Variants in SIN3B observed in about 807,000 individuals in gnomAD.
The protein encoded by SIN3B is paired amphipathic helix protein Sin3b.
SIN3B carries 19 observed loss-of-function variants against 120.2 expected under a neutral mutation model. The ratio of observed to expected loss-of-function variants is 0.16; its 90% CI spans 0.11 to 0.23. The LOEUF (loss-of-function observed/expected upper bound fraction) is 0.23, where lower values mean the gene tolerates loss of function less well. Ranked by LOEUF, SIN3B falls within the 10% of genes least tolerant of loss-of-function variation. The pLI is 1.00. For synonymous variants in SIN3B, 654 were observed against 653.2 expected, an observed-to-expected ratio of 1.00 and a Z score of -0.02; for missense variants, 1,073 against 1,573.0, an observed-to-expected ratio of 0.68 and a Z score of 5.38.
At chr19:16,837,427 A>G (rs1437296988) in intron 3 of SIN3B, among the ~76,000 whole-genome samples, 1 of 151,706 alleles carries the variant, frequency 6.6e-6, no homozygotes, top group African/African-American at 2.4e-5. Flanking sequence ...GATGGTGACA[A>G]GGACCAGAGA....
chr19:16,855,606 A>T (rs1340741679), intron 8 of SIN3B: 1 of 152,196 alleles, frequency 6.6e-6, no homozygotes, highest in African/African-American at 2.4e-5. Flanking sequence ...CTGTAATCCC[A>T]GCTACTTGGG....
intron 14 of SIN3B, among the ~76,000 whole-genome samples, chr19:16,873,675 A>G (rs971431169): frequency 2.0e-5 from 3 of 152,118 alleles, no homozygotes; most frequent in Non-Finnish European, 4.4e-5. Flanking sequence ...ACTCCTCTAG[A>G]ACCTGTTAAA....
Position 16,836,642 on chromosome 19 carries a change from C to T in SIN3B, c.381+4995C>T, listed in dbSNP as rs922846948. ...TGACTGTATCCACCTTCTGGAACGT[C>T]GCCAGGGAGCAGTGCATGGTGCAGG... On this transcript the variant is annotated intron_variant, in intron 3 of 18. Transcript: ENST00000248054. Among the ~76,000 whole-genome samples, 11 of 152,208 alleles carry T rather than the reference C, an allele frequency of 7.2e-5. No homozygotes were observed. In the East Asian group the frequency reaches 1.2e-3, roughly 16 times the overall value.
intron 12 of SIN3B, among the ~76,000 whole-genome samples, chr19:16,867,854 G>C (rs2144617858): frequency 6.6e-6 from 1 of 152,242 alleles, no homozygotes; most frequent in South Asian, 2.1e-4. Context: ...CCTCACTCTA[G>C]TCCTCGGCGA....
chr19:16,874,525 A>ATCTGG (rs1169853820), intron 14 of SIN3B, among the ~76,000 whole-genome samples: 2 of 105,170 alleles, frequency 1.9e-5, no homozygotes, highest in African/African-American at 7.7e-5. Context: ...GTCTGCTCTG[A>ATCTGG]TCTGGTCTGG....
intron 14 of SIN3B, among the ~76,000 whole-genome samples, chr19:16,874,989 G>A (rs547545410): frequency 1.3e-5 from 2 of 151,292 alleles, no homozygotes; most frequent in Non-Finnish European, 2.9e-5. Context: ...ATTTGGTCTG[G>A]TTTGGTTTGG....
chr19:16,841,569 AG>A, intron 3 of SIN3B, among the ~76,000 whole-genome samples, 198 bp from the exon 4 acceptor site: 1 of 152,174 alleles, frequency 6.6e-6, no homozygotes, highest in East Asian at 1.9e-4. Context: ...GATCGGGTGG[AG>A]GTGAGCTGGG....
intron 3 of SIN3B, among the ~76,000 whole-genome samples, chr19:16,836,115 A>C (rs1182565107): frequency 6.6e-6 from 1 of 152,142 alleles, no homozygotes; most frequent in South Asian, 2.1e-4. Context: ...GGGTGTCTTC[A>C]GCTTTGGGGG....
At chr19:16,866,263 C>G in intron 11 of SIN3B, 110 bp from the exon 12 acceptor site, 1 of 1,097,176 alleles carries the variant, frequency 9.1e-7, no homozygotes, top group Non-Finnish European at 1.3e-6. Flanking sequence ...CTGGCTGGGC[C>G]TGGGTCCTGG....
At chr19:16,854,299 C>G in intron 8 of SIN3B, 38 bp downstream of exon 8, 1 of 1,330,666 alleles carries the variant, frequency 7.5e-7, no homozygotes, top group Non-Finnish European at 1.1e-6. Context: ...TAGGGGGGTT[C>G]TGTTCCTGTC....
intron 12 of SIN3B, 25 bp from the exon 13 acceptor site, chr19:16,869,435 C>G (rs201625595): frequency 6.3e-7 from 1 of 1,583,152 alleles, no homozygotes; most frequent in African/African-American, 1.3e-5. Context: ...GGCTTTCCAC[C>G]TAATGGCCGC....
chr19:16,862,709 C>CA lies in SIN3B; in HGVS notation c.1266+154dup. The CA allele has an allele frequency of 1.9e-6, 2 of 1,068,324 alleles. No individual in the cohort carries two copies. The highest frequency in any genetic ancestry group is 2.8e-6 in the Non-Finnish European group (2 of 707,914). 66.2% of individuals were successfully genotyped at this position (1,068,324 alleles called of 1,614,324 possible). A position where few individuals can be genotyped will look rare whatever the true frequency, so the allele number is the denominator to read the frequency against. ...TGGGTGGTGCTGGGATGTGGCCCGG[C>CA]AAAACCACCTGAGCAGAGACAACAG... On this transcript the variant is annotated intron_variant, in intron 9 of 18. Coordinates refer to ENST00000248054, the MANE Select transcript of SIN3B (RefSeq NM_001297595.2). This position sits in a 1 kb window ranked among gnomAD's most constrained non-coding sequence, Gnocchi z 4.7.
Position 16,863,760 on chromosome 19 carries a change from G to A in SIN3B, c.1347G>A (p.Glu449=). The A allele has an allele frequency of 6.2e-7, 1 of 1,614,182 alleles. No individual in the cohort carries two copies. The highest frequency in any genetic ancestry group is 1.3e-5 in the African/African-American group (1 of 75,070). Residue 449 remains glutamate, a synonymous_variant, in exon 10 of 19, where the codon GAG becomes GAA. Transcript: ENST00000248054. ...TCAGCTCCAAGAAGACACCGTACGAGGAGCAGCTTCACCGCTGTGAGGACG... is the reference window on the plus strand; with the variant it reads ...TCAGCTCCAAGAAGACACCGTACGAAGAGCAGCTTCACCGCTGTGAGGACG... The part of the protein sequence containing the change: ...TFVSSKKTPY[E]EQLHRCEDER...
chr19:16,844,262 G>C (rs1478539001), intron 4 of SIN3B: 1 of 152,396 alleles, frequency 6.6e-6, no homozygotes, highest in East Asian at 1.9e-4. Flanking sequence ...TGTTGGTTCA[G>C]ATATTTCAGG....
chr19:16,860,370 T>C (rs537987751), intron 8 of SIN3B, among the ~76,000 whole-genome samples: 9 of 152,310 alleles, frequency 5.9e-5, no homozygotes, highest in South Asian at 4.1e-4. Flanking sequence ...GATTTGCGTT[T>C]ATCCCAGCAG....
intron 14 of SIN3B, 88 bp downstream of exon 14, chr19:16,871,486 G>T: frequency 7.8e-7 from 1 of 1,277,212 alleles, no homozygotes. Context: ...GGGGCCCGTG[G>T]TCAGCACAGC....
At chr19:16,872,701 C>T (rs553050803) in intron 14 of SIN3B, 83 of 152,290 alleles carry the variant, frequency 5.5e-4, no homozygotes, top group African/African-American at 2.0e-3. Flanking sequence ...CCCTTGGCCT[C>T]CTAAAGTGCT....
At chr19:16,853,446 C>T (rs1446967801) in intron 7 of SIN3B, among the ~76,000 whole-genome samples, 2 of 152,240 alleles carry the variant, frequency 1.3e-5, no homozygotes, top group African/African-American at 2.4e-5. Flanking sequence ...TTTCTTATAT[C>T]AGGGATGATT....
At chr19:16,869,148 C>T (rs962068692) in intron 12 of SIN3B, among the ~76,000 whole-genome samples, 3 of 152,172 alleles carry the variant, frequency 2.0e-5, no homozygotes, top group Admixed American at 6.5e-5. Flanking sequence ...CCAGGCTTGA[C>T]GCTGTCAGAC....
Sources: gnomAD v4.1 joint callset for allele counts (sites outside exome capture counted in the v4.1 genomes callset) on GRCh38, gnomAD v4.1.1 for gene constraint, Gnocchi (gnomAD v3.1) non-coding constraint, MANE v1.5 for transcripts, NCBI Gene and HGNC (gene_info 2026-07-23, HGNC 2026-07-21) for gene names.